Variants in GPC5 observed in about 807,000 individuals in gnomAD.
GPC5 encodes glypican 5.
A neutral mutation model predicts 53.9 loss-of-function variants in GPC5; 47 were observed. The ratio of observed to expected loss-of-function variants is 0.87; its 90% CI spans 0.69 to 1.11. GPC5 has a LOEUF of 1.11. Among genes scored for constraint, GPC5 ranks in the 50% most tolerant of loss-of-function variants. The pLI, the probability that GPC5 is intolerant of heterozygous loss-of-function variation, is 0.00. For synonymous variants in GPC5, 286 were observed against 263.3 expected, an observed-to-expected ratio of 1.09 and a Z score of -0.84; for missense variants, 748 against 713.1, an observed-to-expected ratio of 1.05 and a Z score of -0.56.
intron 7 of GPC5, among the ~76,000 whole-genome samples, chr13:92,649,037 G>A (rs890243419): frequency 4.6e-5 from 7 of 152,018 alleles, no homozygotes; most frequent in Admixed American, 4.6e-4. Flanking sequence ...TTTAAAGCTG[G>A]AGCTTTTGCT....
chr13:91,693,171 T>C lies in GPC5; in HGVS notation c.326-16T>C. Reference sequence around the variant, plus strand: ...ATACTAAACCTTCTCATGTTTTACCTCTGCTTGTGTTACAGAAACCCTTGA... The same window carrying C: ...ATACTAAACCTTCTCATGTTTTACCCCTGCTTGTGTTACAGAAACCCTTGA... On this transcript the variant is annotated splice_polypyrimidine_tract_variant and intron_variant, in intron 2 of 7. Coordinates refer to ENST00000377067, the MANE Select transcript of GPC5 (RefSeq NM_004466.6). The C allele has an allele frequency of 6.3e-7, 1 of 1,588,174 alleles. No individual in the cohort carries two copies.
chr13:92,697,925 A>G (rs1311196761), intron 7 of GPC5, among the ~76,000 whole-genome samples: 2 of 152,136 alleles, frequency 1.3e-5, no homozygotes, highest in African/African-American at 2.4e-5. Context: ...AATTTTGTCT[A>G]AGGCCTTTAC....
At chr13:91,684,277 TATATC>T (rs1302749634) in intron 2 of GPC5, among the ~76,000 whole-genome samples, 1 of 152,182 alleles carries the variant, frequency 6.6e-6, no homozygotes, top group Non-Finnish European at 1.5e-5. Flanking sequence ...CTTTCAGACT[TATATC>T]AACAGCTTCA....
chr13:92,672,515 C>T (rs1443954477), intron 7 of GPC5, among the ~76,000 whole-genome samples: 1 of 152,076 alleles, frequency 6.6e-6, no homozygotes. Flanking sequence ...GCATTTGACC[C>T]AGCAATCCCA....
At chr13:92,071,304 A>G (rs1488909457) in intron 6 of GPC5, among the ~76,000 whole-genome samples, 2 of 152,208 alleles carry the variant, frequency 1.3e-5, no homozygotes, top group Admixed American at 6.5e-5. Flanking sequence ...TTTATTAAAA[A>G]GTACAATTCA....
At chr13:91,519,194 G>A (rs2139361124) in intron 2 of GPC5, among the ~76,000 whole-genome samples, 1 of 152,254 alleles carries the variant, frequency 6.6e-6, no homozygotes, top group South Asian at 2.1e-4. Context: ...GATGAGCAAT[G>A]TCCAATCACT....
chr13:92,598,889 C>T (rs1883960791), intron 7 of GPC5, among the ~76,000 whole-genome samples: 3 of 152,100 alleles, frequency 2.0e-5, no homozygotes, highest in Non-Finnish European at 4.4e-5. Flanking sequence ...TGGTGGTGGG[C>T]ACCTGTAATC....
chr13:91,518,001 G>A (rs116016043), intron 2 of GPC5, among the ~76,000 whole-genome samples: 3,438 of 152,198 alleles, frequency 0.023, 100 homozygotes, highest in African/African-American at 0.069. Flanking sequence ...TTGAGATTTC[G>A]GCGAAGACAC....
intron 7 of GPC5, among the ~76,000 whole-genome samples, chr13:92,161,282 C>G (rs1451746264): frequency 6.6e-6 from 1 of 152,116 alleles, no homozygotes; most frequent in African/African-American, 2.4e-5. Flanking sequence ...GGATATTTAA[C>G]AAGCATACTA....
intron 2 of GPC5, among the ~76,000 whole-genome samples, chr13:91,518,326 G>T (rs982790740): frequency 6.6e-6 from 1 of 152,018 alleles, no homozygotes; most frequent in South Asian, 2.1e-4. Flanking sequence ...ACATCATTGC[G>T]TTCCAGCGTG....
rs143073803 is a variant in GPC5 at position 92,192,104 on chromosome 13, G to A, written c.1561+47115G>A. On this transcript the variant is annotated intron_variant, in intron 7 of 7. Transcript: ENST00000377067. ...AGGAGGTGAAGGGGGTGAATAGATAGAGGACAAATAATTTTTAAGGTGGTG... is the reference window on the plus strand; with the variant it reads ...AGGAGGTGAAGGGGGTGAATAGATAAAGGACAAATAATTTTTAAGGTGGTG... Among the ~76,000 whole-genome samples, 378 of 152,234 alleles carry A rather than the reference G, an allele frequency of 2.5e-3. 1 individual carries two copies. Among genetic ancestry groups the A allele is most frequent in the African/African-American group, 8.5e-3 (354 of 41,534 alleles).
At chr13:91,406,686 A>G (rs1877346550) in intron 1 of GPC5, among the ~76,000 whole-genome samples, 1 of 151,898 alleles carries the variant, frequency 6.6e-6, no homozygotes, top group Non-Finnish European at 1.5e-5. Flanking sequence ...TAGACGTGCA[A>G]GCCCCCTCTC....
chr13:91,853,615 T>A (rs945276175), intron 5 of GPC5, among the ~76,000 whole-genome samples: 1 of 151,968 alleles, frequency 6.6e-6, no homozygotes, highest in African/African-American at 2.4e-5. Context: ...TTGTCTGTAT[T>A]ATTCTTCACA....
intron 6 of GPC5, among the ~76,000 whole-genome samples, chr13:92,060,986 T>G (rs1019444392): frequency 6.6e-6 from 1 of 152,026 alleles, no homozygotes; most frequent in South Asian, 2.1e-4. Flanking sequence ...GTTTAAATTC[T>G]AAGACAATGA....
intron 7 of GPC5, among the ~76,000 whole-genome samples, chr13:92,512,717 A>G (rs1175368087): frequency 6.6e-6 from 1 of 152,204 alleles, no homozygotes; most frequent in Non-Finnish European, 1.5e-5. Context: ...GATTAATGAT[A>G]TAGTCAATCA....
chr13:92,004,545 CTATT>C lies in GPC5; in HGVS notation c.1401+96489_1401+96492del, dbSNP rs529952296. On this transcript the variant is annotated intron_variant, in intron 6 of 7. Transcript: ENST00000377067. ...ACTTATCTACAAAGTATATATGACT[CTATT>C]CATGCAATCAGAGTCATGGATTAAA... Among the ~76,000 whole-genome samples, 4 of 144,088 alleles carry C rather than the reference CTATT, an allele frequency of 2.8e-5. No individual in the cohort carries two copies. In the South Asian group the frequency reaches 8.7e-4, roughly 31 times the overall value. 94.5% of individuals were successfully genotyped at this position (144,088 alleles called of 152,430 possible). A position where few individuals can be genotyped will look rare whatever the true frequency, so the allele number is the denominator to read the frequency against.
At chr13:92,778,342 A>G (rs1030352311) in intron 7 of GPC5, among the ~76,000 whole-genome samples, 40 of 152,180 alleles carry the variant, frequency 2.6e-4, no homozygotes, top group African/African-American at 9.7e-4. Context: ...TAAATGTGCC[A>G]TTATTCTAAG....
intron 7 of GPC5, among the ~76,000 whole-genome samples, chr13:92,784,419 G>A (rs1174466188): frequency 6.6e-6 from 1 of 151,598 alleles, no homozygotes; most frequent in Non-Finnish European, 1.5e-5. Context: ...CAGAGGGAGT[G>A]TGACTAATTA....
intron 7 of GPC5, among the ~76,000 whole-genome samples, chr13:92,651,205 G>A (rs1052341911): frequency 1.7e-4 from 25 of 149,878 alleles, no homozygotes; most frequent in Admixed American, 2.7e-4. Flanking sequence ...AGTTCTATCC[G>A]TCTAAGAGAG....
Sources: gnomAD v4.1 joint callset for allele counts (sites outside exome capture counted in the v4.1 genomes callset) on GRCh38, gnomAD v4.1.1 for gene constraint, MANE v1.5 for transcripts, NCBI Gene and HGNC (gene_info 2026-07-23, HGNC 2026-07-21) for gene names.